PIWIL1: variants seen among roughly 807,000 people sequenced by gnomAD.
The protein encoded by PIWIL1 is piwi like RNA-mediated gene silencing 1.
A neutral mutation model predicts 114.4 loss-of-function variants in PIWIL1; 73 were observed. The ratio of observed to expected loss-of-function variants is 0.64; its 90% CI spans 0.53 to 0.78. PIWIL1 has a LOEUF of 0.78. PIWIL1 is among the 30% of genes least tolerant of loss of function. PIWIL1 has a pLI of 0.00. For missense variants in PIWIL1, 723 were observed against 1,063.1 expected (o/e 0.68, Z 4.45); for synonymous variants, 375 against 369.0 (o/e 1.02, Z -0.19).
chr12:130,414,403 G>A, the PIWIL1 span: 226 of 1,258,696 alleles, frequency 1.8e-4, no homozygotes, highest in Non-Finnish European at 2.1e-4. Context: ...GGATGGCAGC[G>A]GTTCCTTGAC....
At chr12:130,347,858 T>A (rs564741403) in intron 6 of PIWIL1, among the ~76,000 whole-genome samples, 1 of 152,208 alleles carries the variant, frequency 6.6e-6, no homozygotes, top group South Asian at 2.1e-4. Flanking sequence ...AGTAGAACTA[T>A]TGGTGGATGC....
In PIWIL1 at chr12:130,364,073, G is replaced by A. The variant is rs1051290948; in HGVS notation, c.2195+929G>A. On this transcript the variant is annotated intron_variant, in intron 18 of 20. Transcript: ENST00000245255. Reference sequence around the variant, plus strand: ...ATGAGTCAATAAAATGTGTACCATCGCAAGAGAGCCATTCTAATCAGTTAC... The same window carrying A: ...ATGAGTCAATAAAATGTGTACCATCACAAGAGAGCCATTCTAATCAGTTAC... Among the ~76,000 whole-genome samples, 6 of 152,130 alleles carry A rather than the reference G, an allele frequency of 3.9e-5. No homozygotes were observed. In the South Asian group the frequency reaches 6.2e-4, roughly 16 times the overall value.
At chr12:130,339,217 G>T (rs1368302734) in intron 1 of PIWIL1, among the ~76,000 whole-genome samples, 2 of 152,118 alleles carry the variant, frequency 1.3e-5, no homozygotes, top group Non-Finnish European at 2.9e-5. Flanking sequence ...GTCCTCGCGG[G>T]TGCTGGCGGC....
In PIWIL1 at chr12:130,367,113, C is replaced by T; in HGVS notation, c.2196-20C>T. ...AAATATGACTGGCTAAATGCAGTTACATTCATCATCATTTTTAAGCCCTAG... is the reference window on the plus strand; with the variant it reads ...AAATATGACTGGCTAAATGCAGTTATATTCATCATCATTTTTAAGCCCTAG... On this transcript the variant is annotated intron_variant, in intron 18 of 20. Coordinates refer to ENST00000245255, the MANE Select transcript of PIWIL1 (RefSeq NM_004764.5). 6.2e-7 allele frequency: 1 copy of T among 1,612,656 alleles called. No individual in the cohort carries two copies.
intron 19 of PIWIL1, among the ~76,000 whole-genome samples, chr12:130,368,651 C>T (rs867559238): frequency 6.6e-6 from 1 of 152,120 alleles, no homozygotes; most frequent in Non-Finnish European, 1.5e-5. Context: ...AAATTCATTT[C>T]TGCAGGATTC....
At position 130,341,912 on chromosome 12, in the gene PIWIL1, T is replaced by C. The variant is rs567392171; in HGVS notation, c.-12-668T>C. 4.6e-5 allele frequency among the ~76,000 whole-genome samples: 7 copies of C among 152,280 alleles called. No homozygotes were observed. The East Asian group carries it at 1.3e-3, about 29-fold the overall frequency. ...ATGGAGAGAACGGTCCTGGCAGATG[T>C]AGGAGAAATAAAGGAGTGGTTTTGA... On this transcript the variant is annotated intron_variant, in intron 1 of 20. Coordinates refer to ENST00000245255, the MANE Select transcript of PIWIL1 (RefSeq NM_004764.5).
the PIWIL1 span, among the ~76,000 whole-genome samples, chr12:130,385,600 C>T: frequency 6.6e-6 from 1 of 152,134 alleles, no homozygotes; most frequent in Non-Finnish European, 1.5e-5. Context: ...TCATTGGCTG[C>T]GAAGTTCTCA....
At chr12:130,412,400 T>G in the PIWIL1 span, among the ~76,000 whole-genome samples, 2 of 152,190 alleles carry the variant, frequency 1.3e-5, no homozygotes, top group Non-Finnish European at 2.9e-5. Flanking sequence ...TCTTCACACT[T>G]AGGTGTATCT....
chr12:130,371,417 C>G, intron 20 of PIWIL1, 65 bp from the exon 21 acceptor site: 1 of 1,608,094 alleles, frequency 6.2e-7, no homozygotes, highest in East Asian at 2.2e-5. Context: ...AGGGTTAATA[C>G]TGAGATTTGC....
the PIWIL1 span, among the ~76,000 whole-genome samples, chr12:130,406,499 C>T: frequency 1.3e-5 from 2 of 152,160 alleles, no homozygotes; most frequent in African/African-American, 4.8e-5. Flanking sequence ...AGATTATTAC[C>T]ATGTTCTACT....
the PIWIL1 span, chr12:130,397,304 C>CTAGT: frequency 1.5e-5 from 6 of 398,308 alleles, no homozygotes; most frequent in African/African-American, 1.2e-4. Context: ...CATGAAAGCC[C>CTAGT]TAGTTTGGAA....
chr12:130,424,429 A>G, the PIWIL1 span: 1 of 1,232,680 alleles, frequency 8.1e-7, no homozygotes, highest in Non-Finnish European at 1.0e-6. The surrounding 1 kb of genome is among the most constrained non-coding windows in gnomAD (Gnocchi z 9.8). Context: ...CTGCAGGGAC[A>G]GTGACCAGGG....
the PIWIL1 span, among the ~76,000 whole-genome samples, chr12:130,379,242 T>C: frequency 6.6e-6 from 1 of 152,272 alleles, no homozygotes; most frequent in African/African-American, 2.4e-5. Context: ...TAATGCCTTT[T>C]TTCTTCATTC....
chr12:130,395,572 T>C, the PIWIL1 span, among the ~76,000 whole-genome samples: 2 of 152,126 alleles, frequency 1.3e-5, no homozygotes, highest in African/African-American at 4.8e-5. Context: ...GGATACTTTT[T>C]GTTAGCAACT....
rs1428169430 is a variant in PIWIL1, at chr12:130,354,989, AT to A, written c.1275del (p.Ile425MetfsTer19). The A allele has an allele frequency of 6.3e-7, 1 of 1,598,988 alleles. No homozygotes were observed. Among genetic ancestry groups the A allele is most frequent in the African/African-American group, 1.3e-5 (1 of 74,652 alleles). On this transcript the variant is annotated frameshift_variant, in exon 11 of 21. Coordinates refer to ENST00000245255, the MANE Select transcript of PIWIL1 (RefSeq NM_004764.5). LOFTEE classifies it high-confidence loss of function. ...AAGGCAGCGTGAAGTGGGACGACTCATTGATTACATTCATAAGTAAGTCATT... is the reference window on the plus strand; with the variant it reads ...AAGGCAGCGTGAAGTGGGACGACTCATGATTACATTCATAAGTAAGTCATT... ...EQRQREVGRL[I>X]DYIHKNDNVQ...
chr12:130,391,405 G>T, the PIWIL1 span, among the ~76,000 whole-genome samples: 22 of 152,194 alleles, frequency 1.4e-4, no homozygotes, highest in Admixed American at 1.4e-3. Flanking sequence ...GATTTTATTG[G>T]AAAATTAGAG....
At chr12:130,354,130 G>A (rs1475828567) in intron 9 of PIWIL1, among the ~76,000 whole-genome samples, 1 of 152,020 alleles carries the variant, frequency 6.6e-6, no homozygotes, top group Admixed American at 6.5e-5. Flanking sequence ...GTATTCTCAC[G>A]GTGAGACTGC....
chr12:130,370,187 T>G (rs1333988402), intron 19 of PIWIL1, among the ~76,000 whole-genome samples: 1 of 152,142 alleles, frequency 6.6e-6, no homozygotes, highest in African/African-American at 2.4e-5. Flanking sequence ...TCCTTAAATC[T>G]TTATTGGGTC....
chr12:130,338,930 T>G, intron 1 of PIWIL1, among the ~76,000 whole-genome samples: 1 of 130,338 alleles, frequency 7.7e-6, no homozygotes, highest in African/African-American at 2.9e-5. Flanking sequence ...GAGGCCTGAG[T>G]TGCCGGGGGT....
Sources: allele counts gnomAD v4.1 joint callset (sites outside exome capture counted in the v4.1 genomes callset), GRCh38; gene constraint gnomAD v4.1.1; non-coding constraint Gnocchi (gnomAD v3.1); transcripts MANE v1.5; gene names NCBI Gene and HGNC (gene_info 2026-07-23, HGNC 2026-07-21).